Variants in RBM18 observed in about 807,000 individuals in gnomAD.
RBM18 encodes RNA binding motif protein 18.
Under a neutral mutation model 26.4 loss-of-function variants are expected in RBM18, and 18 were observed. That is an observed-to-expected ratio of 0.68 (90% CI 0.47 to 1.01). The LOEUF is 1.01. Ranked by LOEUF, RBM18 falls within the 50% of genes least tolerant of loss-of-function variation. RBM18 has a pLI of 0.00. For synonymous variants in RBM18, 74 were observed against 81.1 expected (o/e 0.91, Z 0.47); for missense variants, 180 against 219.2 (o/e 0.82, Z 1.13).
chr9:122,242,169 A>G, intron 5 of RBM18, 126 bp from the exon 6 acceptor site: 1 of 890,886 alleles, frequency 1.1e-6, no homozygotes, highest in Non-Finnish European at 1.7e-6. Flanking sequence ...ACAGACATTT[A>G]AACATTTTAT....
chr9:122,248,001 C>A (rs950803420), intron 3 of RBM18, among the ~76,000 whole-genome samples: 2 of 151,926 alleles, frequency 1.3e-5, no homozygotes, highest in Non-Finnish European at 2.9e-5. Context: ...TTGGCCAGGA[C>A]TGTCTCAATC....
chr9:122,255,632 A>G (rs1831680808), intron 2 of RBM18, among the ~76,000 whole-genome samples: 2 of 152,160 alleles, frequency 1.3e-5, no homozygotes, highest in South Asian at 2.1e-4. Flanking sequence ...CTCCATTTCA[A>G]TCACTTTCCT....
At chr9:122,246,963 T>C (rs1007241521) in intron 4 of RBM18, among the ~76,000 whole-genome samples, 1 of 152,100 alleles carries the variant, frequency 6.6e-6, no homozygotes, top group Non-Finnish European at 1.5e-5. Flanking sequence ...AGGAGACTAA[T>C]TACAGAATGA....
intron 2 of RBM18, among the ~76,000 whole-genome samples, chr9:122,259,740 C>T (rs1831755689): frequency 6.6e-6 from 1 of 152,170 alleles, no homozygotes; most frequent in Non-Finnish European, 1.5e-5. Context: ...TTCGCCCAGG[C>T]TGGAGTGCAG....
At chr9:122,244,319 T>A (rs1831470636) in intron 5 of RBM18, among the ~76,000 whole-genome samples, 1 of 152,200 alleles carries the variant, frequency 6.6e-6, no homozygotes. Flanking sequence ...TTCCCCTGCT[T>A]GGTACTCCAC....
intron 2 of RBM18, among the ~76,000 whole-genome samples, chr9:122,253,190 C>T (rs1228972487): frequency 6.6e-6 from 1 of 152,146 alleles, no homozygotes; most frequent in Non-Finnish European, 1.5e-5. Flanking sequence ...CTAAGAGAAA[C>T]TCATCAAAAT....
At chr9:122,256,364 T>A (rs1831698160) in intron 2 of RBM18, among the ~76,000 whole-genome samples, 1 of 152,226 alleles carries the variant, frequency 6.6e-6, no homozygotes, top group Non-Finnish European at 1.5e-5. Context: ...AGCGTTTCTA[T>A]GGGCTTTGTT....
intron 2 of RBM18, among the ~76,000 whole-genome samples, chr9:122,256,854 G>A (rs1236076824): frequency 6.6e-6 from 1 of 152,170 alleles, no homozygotes; most frequent in Non-Finnish European, 1.5e-5. Context: ...AGAGCTAGAA[G>A]TAATGCTCAG....
At chr9:122,255,104 C>G (rs766203004) in intron 2 of RBM18, among the ~76,000 whole-genome samples, 7 of 152,076 alleles carry the variant, frequency 4.6e-5, no homozygotes, top group Non-Finnish European at 7.4e-5. Flanking sequence ...CAATTGGAAG[C>G]CCATGAAATG....
chr9:122,251,801 G>A, intron 3 of RBM18, 46 bp downstream of exon 3: 1 of 1,566,896 alleles, frequency 6.4e-7, no homozygotes, highest in Non-Finnish European at 8.8e-7. Flanking sequence ...AAATAATTAT[G>A]ACAGAGCTTG....
At chr9:122,255,295 TAAA>T in intron 2 of RBM18, among the ~76,000 whole-genome samples, 1 of 152,204 alleles carries the variant, frequency 6.6e-6, no homozygotes, top group South Asian at 2.1e-4. Flanking sequence ...AACCAAGACA[TAAA>T]AAGAAGTATG....
intron 5 of RBM18, among the ~76,000 whole-genome samples, chr9:122,244,937 C>CA (rs1564454797): frequency 6.6e-6 from 1 of 152,140 alleles, no homozygotes; most frequent in African/African-American, 2.4e-5. Context: ...CAAAGAGACC[C>CA]AAGGCCTTAT....
chr9:122,251,871 A>G lies in RBM18; in HGVS notation c.216T>C (p.Cys72=). 22 of 1,614,110 alleles carry G rather than the reference A, an allele frequency of 1.4e-5. No homozygotes were observed. The highest frequency in any genetic ancestry group is 1.8e-5 in the Non-Finnish European group (21 of 1,179,968). ...GALEGQPRGY[C]FVNFETKQEA... The stretch of plus-strand genomic sequence containing the variant: ...CCTGCTTAGTTTCAAAGTTAACAAA[A>G]CAGTAGCCTCGAGGCTGTCCCTCCA... The change falls in exon 3 of 6, where the codon TGT becomes TGC. Residue 72 remains cysteine, a synonymous_variant. Transcript: ENST00000417201.
intron 5 of RBM18, among the ~76,000 whole-genome samples, chr9:122,242,689 G>C (rs1014518526): frequency 3.3e-5 from 5 of 150,538 alleles, no homozygotes; most frequent in Non-Finnish European, 7.4e-5. Context: ...ACAGGGTCTT[G>C]TTCTGCCACC....
intron 1 of RBM18, among the ~76,000 whole-genome samples, chr9:122,262,671 C>T (rs758721035): frequency 3.9e-5 from 6 of 152,124 alleles, no homozygotes; most frequent in Admixed American, 1.3e-4. Flanking sequence ...ACAACTTCCA[C>T]TTCCCGGGTT....
chr9:122,254,466 T>C (rs902513041), intron 2 of RBM18: 1 of 168,126 alleles, frequency 5.9e-6, no homozygotes, highest in Non-Finnish European at 1.2e-5. Context: ...TGCTTTCACA[T>C]CTGCAAGCAC....
intron 4 of RBM18, 141 bp from the exon 5 acceptor site, chr9:122,245,482 T>G: frequency 2.0e-6 from 1 of 512,814 alleles, no homozygotes; most frequent in East Asian, 3.2e-5. Flanking sequence ...CACTTAGAAT[T>G]AATGAAAAAC....
chr9:122,261,631 C>T (rs1242928696), intron 1 of RBM18, 123 bp from the exon 2 acceptor site: 4 of 648,402 alleles, frequency 6.2e-6, no homozygotes, highest in Non-Finnish European at 8.0e-6. Context: ...CTTCAAAGGC[C>T]TCAGTGATTC....
At chr9:122,245,817 TA>T (rs1003763938) in intron 4 of RBM18, among the ~76,000 whole-genome samples, 65 of 142,104 alleles carry the variant, frequency 4.6e-4, no homozygotes, top group African/African-American at 4.9e-4. Context: ...TGTCTCTATT[TA>T]AAAAAAAAAA....
Sources: allele counts gnomAD v4.1 joint callset (sites outside exome capture counted in the v4.1 genomes callset), GRCh38; gene constraint gnomAD v4.1.1; transcripts MANE v1.5; gene names NCBI Gene and HGNC (gene_info 2026-07-23, HGNC 2026-07-21).